Variants in DCAF13 observed in about 807,000 individuals in gnomAD.
DCAF13 encodes DDB1- and CUL4-associated factor 13.
In DCAF13, 38 loss-of-function variants were observed where a neutral mutation model predicts 59.0. The observed-to-expected ratio is 0.64, with a 90% confidence interval of 0.50 to 0.84. The LOEUF (loss-of-function observed/expected upper bound fraction) is 0.84, where lower values mean the gene tolerates loss of function less well. Ranked by LOEUF, DCAF13 falls within the 40% of genes least tolerant of loss-of-function variation. The pLI, the probability that DCAF13 is intolerant of heterozygous loss-of-function variation, is 0.00. For missense variants in DCAF13, 469 were observed against 558.4 expected (o/e 0.84, Z 1.61); for synonymous variants, 173 against 175.0 (o/e 0.99, Z 0.09).
At position 103,442,827 on chromosome 8, in the gene DCAF13, G is replaced by T. The variant is rs770179674; in HGVS notation, c.1283G>T (p.Gly428Val). The T allele has an allele frequency of 6.2e-7, 1 of 1,607,194 alleles. No homozygotes were observed. Among genetic ancestry groups the T allele is most frequent in the South Asian group, 1.1e-5 (1 of 90,138 alleles). The stretch of plus-strand genomic sequence containing the variant: ...AATCGTATTAAACACAGCAAGCCTG[G>T]ATCTGTGCCACTTGTGTCAGAGAAG... The part of the protein sequence containing the change: ...EVNRIKHSKP[G>V]SVPLVSEKKK... Residue 428 changes from glycine (G) to valine (V), a missense_variant, in exon 11 of 11, where the codon GGA (glycine) becomes GTA (valine). Coordinates refer to ENST00000612750, the MANE Select transcript of DCAF13 (RefSeq NM_015420.7).
chr8:103,430,739 C>T lies in DCAF13; in HGVS notation c.702+50C>T. ...TTTATACAGTTGGCATTATATATTT[C>T]TCTGTAAATAGAGTGACTAACAATA... On this transcript the variant is annotated intron_variant, in intron 6 of 10. Transcript: ENST00000612750. 2.2e-6 allele frequency: 3 copies of T among 1,335,200 alleles called. No homozygotes were observed. The East Asian group carries it at 7.1e-5, about 32-fold the overall frequency. The allele number at this position is 1,335,200 out of a possible 1,614,324, so 82.7% of individuals were successfully genotyped here.
intron 1 of DCAF13, among the ~76,000 whole-genome samples, chr8:103,418,870 T>TA (rs1563501237): frequency 2.0e-3 from 43 of 20,988 alleles, no homozygotes; most frequent in South Asian, 3.5e-3. Flanking sequence ...ATATATATTT[T>TA]TTTTTTTTTT....
chr8:103,418,947 G>T (rs544562746), intron 1 of DCAF13, among the ~76,000 whole-genome samples: 1 of 130,614 alleles, frequency 7.7e-6, no homozygotes, highest in Admixed American at 8.5e-5. Flanking sequence ...GCAGTGGCGC[G>T]ATCTCGGCTC....
At chr8:103,419,700 G>C (rs1427440303) in intron 1 of DCAF13, among the ~76,000 whole-genome samples, 1 of 152,118 alleles carries the variant, frequency 6.6e-6, no homozygotes, top group Admixed American at 6.5e-5. Flanking sequence ...CAACCCAGTT[G>C]AAGAGGGTAC....
intron 1 of DCAF13, among the ~76,000 whole-genome samples, chr8:103,420,007 CAAAA>C (rs57225658): frequency 2.5e-5 from 2 of 81,262 alleles, no homozygotes; most frequent in Non-Finnish European, 2.7e-5. Context: ...GACTCCGTCT[CAAAA>C]AAAAAAAAAA....
chr8:103,439,227 G>C (rs767397756), intron 8 of DCAF13, among the ~76,000 whole-genome samples: 2 of 151,788 alleles, frequency 1.3e-5, no homozygotes, highest in Non-Finnish European at 2.9e-5. Context: ...TCCTGACCTC[G>C]TGATCCACCT....
intron 8 of DCAF13, among the ~76,000 whole-genome samples, chr8:103,439,077 G>A (rs1052475391): frequency 1.3e-5 from 2 of 152,032 alleles, no homozygotes; most frequent in South Asian, 2.1e-4. Flanking sequence ...GCACGATCTC[G>A]GCTCACTGCA....
intron 1 of DCAF13, among the ~76,000 whole-genome samples, chr8:103,417,923 T>C (rs1474680738): frequency 6.6e-6 from 1 of 151,874 alleles, no homozygotes; most frequent in Non-Finnish European, 1.5e-5. Context: ...ATCGAGACTA[T>C]CCTGGCTAAC....
chr8:103,418,947 G>A (rs544562746), intron 1 of DCAF13, among the ~76,000 whole-genome samples: 3 of 130,654 alleles, frequency 2.3e-5, no homozygotes, highest in East Asian at 4.6e-4. Context: ...GCAGTGGCGC[G>A]ATCTCGGCTC....
chr8:103,425,905 A>G, intron 3 of DCAF13, 151 bp from the exon 4 acceptor site: 1 of 565,542 alleles, frequency 1.8e-6, no homozygotes, highest in South Asian at 2.3e-5. Flanking sequence ...TACTAAAACA[A>G]GGTGGGATAT....
chr8:103,420,990 C>CT lies in DCAF13; in HGVS notation c.287dup (p.Thr97AsnfsTer13). 3 of 1,611,132 alleles carry CT rather than the reference C, an allele frequency of 1.9e-6. No individual in the cohort carries two copies. The highest frequency in any genetic ancestry group is 2.5e-6 in the Non-Finnish European group (3 of 1,177,468). Reference sequence around the variant, plus strand: ...CTTATCATAGGTTAGAATTTGGAATCTAACTCAGCGGAATTGTATCCGTAC... The same window carrying CT: ...CTTATCATAGGTTAGAATTTGGAATCTTAACTCAGCGGAATTGTATCCGTAC... On this transcript the variant is annotated frameshift_variant, in exon 3 of 11. Transcript: ENST00000612750. LOFTEE classifies it high-confidence loss of function.
At chr8:103,419,143 C>A (rs1816686921) in intron 1 of DCAF13, among the ~76,000 whole-genome samples, 1 of 151,854 alleles carries the variant, frequency 6.6e-6, no homozygotes, top group Admixed American at 6.6e-5. Flanking sequence ...CCCGGCCCCC[C>A]AAAGTGCTGG....
intron 2 of DCAF13, 59 bp downstream of exon 2, chr8:103,420,522 C>CCTTT (rs1213318694): frequency 6.5e-7 from 1 of 1,529,272 alleles, no homozygotes; most frequent in Non-Finnish European, 8.9e-7. Context: ...AAATGTTTTC[C>CCTTT]CTTTAGTTTT....
In DCAF13 at chr8:103,420,973, A is replaced by G; in HGVS notation, c.271-2A>G. 3 of 1,582,704 alleles carry G rather than the reference A, an allele frequency of 1.9e-6. No homozygotes were observed. The highest frequency in any genetic ancestry group is 2.6e-6 in the Non-Finnish European group (3 of 1,151,612). Reference sequence around the variant, plus strand: ...GAAATTTCCTGGTATGCCTTATCATAGGTTAGAATTTGGAATCTAACTCAG... The same window carrying G: ...GAAATTTCCTGGTATGCCTTATCATGGGTTAGAATTTGGAATCTAACTCAG... On this transcript the variant is annotated splice_acceptor_variant, in intron 2 of 10. Transcript: ENST00000612750. LOFTEE classifies it high-confidence loss of function.
chr8:103,418,280 C>T (rs892598629), intron 1 of DCAF13, among the ~76,000 whole-genome samples: 7 of 152,028 alleles, frequency 4.6e-5, no homozygotes, highest in African/African-American at 9.7e-5. Context: ...ACACTTTGGG[C>T]GGCAAAGGTG....
chr8:103,428,324 C>G (rs964462871), intron 5 of DCAF13: 1 of 152,190 alleles, frequency 6.6e-6, no homozygotes, highest in Non-Finnish European at 1.5e-5. Context: ...ATGTGGCCCA[C>G]TGCCTGTTTT....
chr8:103,441,210 C>T (rs1168341332), intron 9 of DCAF13: 3 of 387,490 alleles, frequency 7.7e-6, no homozygotes, highest in African/African-American at 4.3e-5. Context: ...GGCCCTACTC[C>T]TTCAGCACTG....
Position 103,432,656 on chromosome 8 carries a change from C to A in DCAF13, c.703-3C>A. The A allele has an allele frequency of 1.3e-6, 2 of 1,566,978 alleles. No homozygotes were observed. The highest frequency in any genetic ancestry group is 8.7e-7 in the Non-Finnish European group (1 of 1,142,870). ...GGAAATTCATCCATTCTTCCTTTCT[C>A]AGGTTATCTTAGATATGAGAACAAA... On this transcript the variant is annotated splice_region_variant and splice_polypyrimidine_tract_variant and intron_variant, in intron 6 of 10. Coordinates refer to ENST00000612750, the MANE Select transcript of DCAF13 (RefSeq NM_015420.7).
chr8:103,434,172 A>G (rs1346123976), intron 7 of DCAF13, among the ~76,000 whole-genome samples: 1 of 152,014 alleles, frequency 6.6e-6, no homozygotes, highest in Admixed American at 6.6e-5. Context: ...TAGATATTCT[A>G]GTCATTCTGA....
Sources: gnomAD v4.1 joint callset for allele counts (sites outside exome capture counted in the v4.1 genomes callset) on GRCh38, gnomAD v4.1.1 for gene constraint, MANE v1.5 for transcripts, NCBI Gene and HGNC (gene_info 2026-07-23, HGNC 2026-07-21) for gene names.